WDR49: variants seen among roughly 807,000 people sequenced by gnomAD.
WDR49 encodes the protein WD repeat domain 49.
A neutral mutation model predicts 119.5 loss-of-function variants in WDR49; 107 were observed. The ratio of observed to expected loss-of-function variants is 0.90; its 90% CI spans 0.77 to 1.05. The LOEUF is 1.05. Ranked by LOEUF, WDR49 falls within the 50% of genes least tolerant of loss-of-function variation. The pLI is 0.00. For synonymous variants in WDR49, 425 were observed against 418.8 expected (o/e 1.01, Z -0.18); for missense variants, 1,240 against 1,220.5 (o/e 1.02, Z -0.24).
chr3:167,604,182 C>T (rs1175799400), intron 6 of WDR49, 119 bp downstream of exon 6: 3 of 1,165,480 alleles, frequency 2.6e-6, no homozygotes, highest in East Asian at 2.6e-5. Flanking sequence ...AAAATGTGAG[C>T]TTCTCGAGAT....
chr3:167,614,043 A>C (rs1207506816), intron 5 of WDR49, among the ~76,000 whole-genome samples: 1 of 152,130 alleles, frequency 6.6e-6, no homozygotes, highest in East Asian at 1.9e-4. Context: ...AACGCAATAA[A>C]ATATCAATGA....
Position 167,531,251 on chromosome 3 carries a change from A to G in WDR49, c.2082T>C (p.Ala694=). ...TGGGGTGGGAGGGTTGGCTTCTCCC[A>G]GCACTGAGAAGTTTTTGAGGTTTTG... ...LDTKPQKLLS[A]GRSQPSHPMA... The change falls in exon 13 of 19, where the codon GCT becomes GCC. Residue 694 remains alanine (A), a synonymous_variant. Coordinates refer to ENST00000682715, the MANE Select transcript of WDR49 (RefSeq NM_001366157.1). 7 of 1,611,310 alleles carry G rather than the reference A, an allele frequency of 4.3e-6. No individual in the cohort carries two copies. In the South Asian group the frequency reaches 7.7e-5, roughly 18 times the overall value.
chr3:167,505,591 T>C (rs191604102), intron 16 of WDR49, among the ~76,000 whole-genome samples, 175 bp from the exon 17 acceptor site: 3 of 152,278 alleles, frequency 2.0e-5, no homozygotes, highest in East Asian at 3.9e-4. Context: ...TTTAACAAAA[T>C]GCCTGCTAGC....
At chr3:167,529,674 AT>A (rs1752775016) in intron 13 of WDR49, among the ~76,000 whole-genome samples, 1 of 152,156 alleles carries the variant, frequency 6.6e-6, no homozygotes, top group Non-Finnish European at 1.5e-5. Flanking sequence ...TGGATGGAAT[AT>A]GTAGTGATAG....
At chr3:167,540,474 T>A (rs1211258066) in intron 10 of WDR49, among the ~76,000 whole-genome samples, 1 of 151,758 alleles carries the variant, frequency 6.6e-6, no homozygotes, top group African/African-American at 2.4e-5. Context: ...GGAAGCCCCA[T>A]CCCTAGGGGA....
chr3:167,590,580 C>T (rs1249126460), intron 7 of WDR49, among the ~76,000 whole-genome samples: 3 of 151,910 alleles, frequency 2.0e-5, no homozygotes, highest in African/African-American at 4.8e-5. Flanking sequence ...AGTCTCATTA[C>T]TTGTTATTAG....
intron 2 of WDR49, among the ~76,000 whole-genome samples, chr3:167,628,334 A>T (rs930569621): frequency 1.3e-5 from 2 of 152,112 alleles, no homozygotes; most frequent in Non-Finnish European, 2.9e-5. Context: ...AAGCTGAGAG[A>T]GGCTGAAAAC....
chr3:167,545,509 T>TTATATATATATATATATATATATATATA (rs141981277), intron 10 of WDR49, among the ~76,000 whole-genome samples: 14 of 108,124 alleles, frequency 1.3e-4, no homozygotes, highest in South Asian at 3.1e-4. Flanking sequence ...ATATTATATA[T>TTATATATATATATATATATATATATATA]TATATATATA....
chr3:167,495,883 G>GAAAAAAAAAAAAAAAAAAAAAAAAATAA, intron 18 of WDR49, among the ~76,000 whole-genome samples: 1 of 71,226 alleles, frequency 1.4e-5, no homozygotes, highest in African/African-American at 4.7e-5. Context: ...TTAAAAATTT[G>GAAAAAAAAAAAAAAAAAAAAAAAAATAA]AAAAAAAAAA....
intron 18 of WDR49, among the ~76,000 whole-genome samples, chr3:167,498,759 T>C (rs1281574500): frequency 6.6e-6 from 1 of 152,174 alleles, no homozygotes; most frequent in East Asian, 1.9e-4. Flanking sequence ...CCTGGTTGTT[T>C]GATGAGATTC....
chr3:167,573,856 C>G (rs753246831), intron 8 of WDR49, among the ~76,000 whole-genome samples: 18 of 152,300 alleles, frequency 1.2e-4, no homozygotes, highest in African/African-American at 4.3e-4. Flanking sequence ...TATTCCCAAA[C>G]TTGCCACACC....
At chr3:167,513,759 A>T (rs1192043271) in intron 16 of WDR49, among the ~76,000 whole-genome samples, 1 of 152,224 alleles carries the variant, frequency 6.6e-6, no homozygotes, top group Non-Finnish European at 1.5e-5. Flanking sequence ...AAAGGAATGG[A>T]GGAAATTTTA....
chr3:167,626,934 T>C lies in WDR49; in HGVS notation c.524A>G (p.Glu175Gly). The part of the protein sequence containing the change: ...AIWGEHLKLQ[E>G]TFPITSDATK... ...GGCATCTGAAGTGATGGGGAATGTTTCTTGCAGCTTTAAATGCTCTCCCCA... is the reference window on the plus strand; with the variant it reads ...GGCATCTGAAGTGATGGGGAATGTTCCTTGCAGCTTTAAATGCTCTCCCCA... Residue 175 changes from glutamate to glycine, a missense_variant, in exon 3 of 19, where the codon GAA (glutamate) becomes GGA (glycine). Physicochemically the swap from Glu to Gly is moderately conservative, Grantham distance 98. Transcript: ENST00000682715. 7.7e-7 allele frequency: 1 copy of C among 1,306,566 alleles called. No homozygotes were observed. The highest frequency in any genetic ancestry group is 2.9e-5 in the East Asian group (1 of 34,520). The allele number at this position is 1,306,566 out of a possible 1,614,324, so 80.9% of individuals were successfully genotyped here.
At chr3:167,500,530 T>A in intron 17 of WDR49, among the ~76,000 whole-genome samples, 1 of 151,638 alleles carries the variant, frequency 6.6e-6, no homozygotes, top group East Asian at 1.9e-4. Flanking sequence ...TTCCCATTCA[T>A]TTTTTTTTAT....
chr3:167,498,368 T>C (rs1751437883), intron 18 of WDR49, among the ~76,000 whole-genome samples: 1 of 151,810 alleles, frequency 6.6e-6, no homozygotes, highest in Non-Finnish European at 1.5e-5. Flanking sequence ...CCACAAAATA[T>C]GAGACTCAAA....
rs1717310869 is a variant in WDR49 at position 167,630,217 on chromosome 3, T to A, written c.166-2925A>T. On this transcript the variant is annotated intron_variant, in intron 2 of 18. Transcript: ENST00000682715. ...TCTCAATCGTCAGCAACCACCACCC[T>A]GATCAGTCAGCAGACATCAACATCA... is the stretch of plus-strand genomic sequence containing the variant. Among the ~76,000 whole-genome samples the A allele has an allele frequency of 3.3e-5, 5 of 152,218 alleles. 1 individual carries two copies. The South Asian group carries it at 1.0e-3, about 32-fold the overall frequency.
chr3:167,537,039 A>G, intron 10 of WDR49, 39 bp from the exon 11 acceptor site: 1 of 1,531,786 alleles, frequency 6.5e-7, no homozygotes, highest in Non-Finnish European at 8.8e-7. Flanking sequence ...TGGATCTAAA[A>G]TTGATGTAGA....
chr3:167,517,300 A>G (rs1331764938), intron 16 of WDR49, among the ~76,000 whole-genome samples: 1 of 152,220 alleles, frequency 6.6e-6, no homozygotes, highest in African/African-American at 2.4e-5. Context: ...CCAAAACAGC[A>G]TAGTACTGGT....
chr3:167,564,478 T>C (rs768388759), intron 8 of WDR49, among the ~76,000 whole-genome samples: 6 of 152,264 alleles, frequency 3.9e-5, no homozygotes, highest in Non-Finnish European at 7.3e-5. Context: ...GTTGTTTTCA[T>C]CAGCAATAAA....
Sources: allele counts gnomAD v4.1 joint callset (sites outside exome capture counted in the v4.1 genomes callset), GRCh38; gene constraint gnomAD v4.1.1; transcripts MANE v1.5; gene names NCBI Gene and HGNC (gene_info 2026-07-23, HGNC 2026-07-21).